SAMD8: variants seen among roughly 807,000 people sequenced by gnomAD.
SAMD8 encodes the protein sterile alpha motif domain containing 8.
SAMD8 carries 20 observed loss-of-function variants against 42.0 expected under a neutral mutation model. The observed-to-expected ratio is 0.48, with a 90% CI of 0.34 to 0.69. The LOEUF is 0.69. SAMD8 is among the 30% of genes least tolerant of loss of function. The pLI is 0.01. For synonymous variants in SAMD8, 162 were observed against 173.0 expected (o/e 0.94, Z 0.50); for missense variants, 328 against 511.6 (o/e 0.64, Z 3.46).
At chr10:75,155,756 C>T (rs1840397775) in intron 2 of SAMD8, among the ~76,000 whole-genome samples, 1 of 152,144 alleles carries the variant, frequency 6.6e-6, no homozygotes, top group Non-Finnish European at 1.5e-5. Flanking sequence ...TAAATGCTTA[C>T]CCATGGGAAG....
At chr10:75,165,944 C>T (rs2132201309) in intron 3 of SAMD8, among the ~76,000 whole-genome samples, 1 of 147,648 alleles carries the variant, frequency 6.8e-6, no homozygotes, top group East Asian at 2.0e-4. Flanking sequence ...CCACTGCACT[C>T]CAGCGTGGGG....
At chr10:75,137,266 G>A (rs1481460357) in intron 1 of SAMD8, among the ~76,000 whole-genome samples, 3 of 152,176 alleles carry the variant, frequency 2.0e-5, no homozygotes, top group East Asian at 1.9e-4. Context: ...TGGGCTGGGC[G>A]TGGTGACTCA....
At chr10:75,134,257 G>C (rs906159618) in intron 1 of SAMD8, among the ~76,000 whole-genome samples, 6 of 152,114 alleles carry the variant, frequency 3.9e-5, no homozygotes, top group Non-Finnish European at 8.8e-5. Flanking sequence ...TAGGTGATGG[G>C]TTGATAGGTG....
chr10:75,162,140 C>T (rs1481915794), intron 2 of SAMD8, among the ~76,000 whole-genome samples: 1 of 152,172 alleles, frequency 6.6e-6, no homozygotes, highest in Non-Finnish European at 1.5e-5. Flanking sequence ...AGGTGGATCA[C>T]GTGAGGTCAG....
chr10:75,177,615 G>T lies in SAMD8; in HGVS notation c.*923G>T. On this transcript the variant is annotated 3_prime_UTR_variant, in exon 6 of 6. Coordinates refer to ENST00000542569, the MANE Select transcript of SAMD8 (RefSeq NM_001174156.2). ...TTAAGTAGGGAGGTATGCATGCAAA[G>T]AATTGTTTTCTCCTGAAAAGAAACT... The T allele has an allele frequency of 6.6e-6, 1 of 152,146 alleles. No homozygotes were observed. Among genetic ancestry groups the T allele is most frequent in the East Asian group, 1.9e-4 (1 of 5,200 alleles). 9.4% of individuals were successfully genotyped at this position (152,146 alleles called of 1,614,324 possible).
Position 75,150,495 on chromosome 10 carries a change from TC to T in SAMD8, c.-15-17del. 1 of 1,570,282 alleles carries T rather than the reference TC, an allele frequency of 6.4e-7. No homozygotes were observed. Among genetic ancestry groups the T allele is most frequent in the Non-Finnish European group, 8.6e-7 (1 of 1,163,238 alleles). On this transcript the variant is annotated intron_variant, in intron 1 of 5. Coordinates refer to ENST00000542569, the MANE Select transcript of SAMD8 (RefSeq NM_001174156.2). ...ACATACTGAAGCTTTTGTTTTGTTT[TC>T]CTGTTTTCTCTCTACAGGCAGCGGA...
chr10:75,171,053 G>A (rs757087852), intron 4 of SAMD8, among the ~76,000 whole-genome samples: 12 of 151,210 alleles, frequency 7.9e-5, no homozygotes, highest in Admixed American at 1.3e-4. Context: ...GAGCCACAGC[G>A]CCTGGCCCTC....
At chr10:75,170,897 C>A (rs1255228770) in intron 4 of SAMD8, among the ~76,000 whole-genome samples, 2 of 150,848 alleles carry the variant, frequency 1.3e-5, no homozygotes, top group Admixed American at 1.3e-4. Context: ...CCTCAGCCTC[C>A]CGAGTAGCTG....
At chr10:75,114,408 T>C (rs1848832728) in intron 1 of SAMD8, among the ~76,000 whole-genome samples, 1 of 152,100 alleles carries the variant, frequency 6.6e-6, no homozygotes, top group African/African-American at 2.4e-5. Flanking sequence ...TGCAGACATA[T>C]TTAGGTAAAT....
chr10:75,103,903 C>G (rs762245809), intron 1 of SAMD8: 75 of 1,310,114 alleles, frequency 5.7e-5, no homozygotes, highest in Non-Finnish European at 7.4e-5. Flanking sequence ...CCTGTGGAGA[C>G]TGAAGACAGT....
At chr10:75,168,729 G>A in intron 4 of SAMD8, 71 bp downstream of exon 4, 1 of 924,676 alleles carries the variant, frequency 1.1e-6, no homozygotes, top group Non-Finnish European at 1.8e-6. Flanking sequence ...ATAGGGCTAA[G>A]ATTTTGCTTA....
chr10:75,144,627 T>TG (rs1357459557), intron 1 of SAMD8, among the ~76,000 whole-genome samples: 1 of 152,154 alleles, frequency 6.6e-6, no homozygotes, highest in African/African-American at 2.4e-5. Flanking sequence ...GTTCTCTTTT[T>TG]TTTCTGTGTT....
rs145021041 is a variant in SAMD8, at chr10:75,131,648, A to G, written c.-15-18866A>G. The stretch of plus-strand genomic sequence containing the variant: ...AATTAAAGAAATAAGTGAGTCTCCA[A>G]AATATGGTAAGAATATTTTTTAAAA... On this transcript the variant is annotated intron_variant, in intron 1 of 5. Coordinates refer to ENST00000542569, the MANE Select transcript of SAMD8 (RefSeq NM_001174156.2). Among the ~76,000 whole-genome samples, 49 of 152,300 alleles carry G rather than the reference A, an allele frequency of 3.2e-4. No individual in the cohort carries two copies. The East Asian group carries it at 8.9e-3, about 28-fold the overall frequency.
chr10:75,171,163 T>TTC (rs1738978053), intron 4 of SAMD8, among the ~76,000 whole-genome samples: 2 of 115,854 alleles, frequency 1.7e-5, no homozygotes, highest in African/African-American at 7.6e-5. Flanking sequence ...TCTTTTTCTT[T>TTC]TTTTTTTTTT....
At chr10:75,111,372 C>A (rs997253482), upstream of SAMD8, 1 of 584,724 alleles carries the variant, frequency 1.7e-6, no homozygotes, top group Admixed American at 4.5e-5. Context: ...TCGGGCTCCT[C>A]CGCGGCAGCA....
chr10:75,145,439 A>T (rs1840109618), intron 1 of SAMD8, among the ~76,000 whole-genome samples: 1 of 152,108 alleles, frequency 6.6e-6, no homozygotes, highest in South Asian at 2.1e-4. Context: ...GACATTATGA[A>T]TTAGTTGTTG....
chr10:75,124,612 CAAA>C (rs35025534), intron 1 of SAMD8, among the ~76,000 whole-genome samples: 5 of 90,550 alleles, frequency 5.5e-5, no homozygotes. Flanking sequence ...GACTCCATCT[CAAA>C]AAAAAAAAAA....
At chr10:75,163,694 C>A (rs1335037211) in intron 2 of SAMD8, among the ~76,000 whole-genome samples, 1 of 152,062 alleles carries the variant, frequency 6.6e-6, no homozygotes, top group East Asian at 1.9e-4. Context: ...GTAGTTGGCC[C>A]ACCTCAGCCT....
At chr10:75,118,552 G>A (rs972332159) in intron 1 of SAMD8, among the ~76,000 whole-genome samples, 5 of 152,192 alleles carry the variant, frequency 3.3e-5, no homozygotes, top group Non-Finnish European at 5.9e-5. Context: ...GCAGAGGCAG[G>A]AGAATTGTTT....
Sources: gnomAD v4.1 joint callset for allele counts (sites outside exome capture counted in the v4.1 genomes callset) on GRCh38, gnomAD v4.1.1 for gene constraint, MANE v1.5 for transcripts, NCBI Gene and HGNC (gene_info 2026-07-23, HGNC 2026-07-21) for gene names.